Variants in RFX1 observed in about 807,000 individuals in gnomAD.
The protein encoded by RFX1 is MHC class II regulatory factor RFX1.
RFX1 carries 42 observed loss-of-function variants against 119.6 expected under a neutral mutation model. That is an observed-to-expected ratio of 0.35 (90% CI 0.27 to 0.45). RFX1 has a LOEUF of 0.45. Ranked by LOEUF, RFX1 falls within the 20% of genes least tolerant of loss-of-function variation. The probability of loss-of-function intolerance (pLI) is 1.00; values close to 1 mark genes in which losing one functional copy is unlikely to be tolerated. For synonymous variants in RFX1, 628 were observed against 618.5 expected (o/e 1.02, Z -0.23); for missense variants, 1,118 against 1,368.1 (o/e 0.82, Z 2.88).
chr19:13,987,601 C>A (rs1974647028), intron 2 of RFX1, among the ~76,000 whole-genome samples: 1 of 152,260 alleles, frequency 6.6e-6, no homozygotes, highest in South Asian at 2.1e-4. Context: ...AGGACGCTAA[C>A]CTGGCAGAGG....
At chr19:13,982,366 G>T (rs1452763160) in intron 4 of RFX1, 138 bp from the exon 5 acceptor site, 2 of 420,184 alleles carry the variant, frequency 4.8e-6, no homozygotes, top group Non-Finnish European at 8.0e-6. Context: ...CAGCCCTGAT[G>T]AAGCTCGGCT....
chr19:13,973,331 G>A (rs1191486049), intron 8 of RFX1, among the ~76,000 whole-genome samples: 3 of 152,178 alleles, frequency 2.0e-5, no homozygotes, highest in East Asian at 3.8e-4. Context: ...ATAATCATCA[G>A]CTGGGCATGG....
In RFX1 at chr19:13,966,539, G is replaced by C; in HGVS notation, c.1852-9C>G. On this transcript the variant is annotated splice_polypyrimidine_tract_variant and intron_variant, in intron 13 of 20. Transcript: ENST00000254325. The surrounding 1 kb of genome is among the most constrained non-coding windows in gnomAD (Gnocchi z 6.3). The stretch of plus-strand genomic sequence containing the variant: ...ATGACGTCGACAATGGCCTGTGGCA[G>C]AGGCGGATGCTCAGGGAGGCTGGGG... The C allele has an allele frequency of 6.4e-7, 1 of 1,557,540 alleles. No individual in the cohort carries two copies. Among genetic ancestry groups the C allele is most frequent in the Non-Finnish European group, 8.7e-7 (1 of 1,144,750 alleles).
Position 13,966,769 on chromosome 19 carries a change from A to T in RFX1, c.1733-18T>A, listed in dbSNP as rs1372197366. On this transcript the variant is annotated intron_variant, in intron 12 of 20. Transcript: ENST00000254325. This position sits in a 1 kb window ranked among gnomAD's most constrained non-coding sequence, Gnocchi z 6.3. The stretch of plus-strand genomic sequence containing the variant: ...AGAGGCATCTAGGGGGCCGGGGGGA[A>T]CCGTGAGGCCCTTCATCCCCCTTGC... 1 of 1,544,850 alleles carries T rather than the reference A, an allele frequency of 6.5e-7. No individual in the cohort carries two copies. The highest frequency in any genetic ancestry group is 1.4e-5 in the African/African-American group (1 of 72,832).
chr19:13,978,111 A>C (rs368577327), intron 7 of RFX1, 25 bp from the exon 8 acceptor site: 2 of 1,583,534 alleles, frequency 1.3e-6, no homozygotes, highest in African/African-American at 2.7e-5. Flanking sequence ...GGGCACGTGG[A>C]GGGTCAGGGG....
Position 13,962,431 on chromosome 19 carries a change from C to T in RFX1, c.*264G>A. 1 of 487,054 alleles carries T rather than the reference C, an allele frequency of 2.1e-6. No individual in the cohort carries two copies. 30.2% of individuals were successfully genotyped at this position (487,054 alleles called of 1,614,324 possible). ...GCCTGGGAGGGGGGCGGCCAAGGGG[C>T]CGAGCTGGATGCCCCGCGGGGCACC... On this transcript the variant is annotated 3_prime_UTR_variant, in exon 21 of 21. Transcript: ENST00000254325.
At position 13,980,958 on chromosome 19, in the gene RFX1, C is replaced by T. The variant is rs1242767642; in HGVS notation, c.622-269G>A. The stretch of plus-strand genomic sequence containing the variant: ...ATGGTGGGTGGTGCCGCCAGCACCC[C>T]TGAAGCTCTCCTGGGGCTGACCCTC... On this transcript the variant is annotated intron_variant, in intron 5 of 20. Transcript: ENST00000254325. The surrounding 1 kb of genome is among the most constrained non-coding windows in gnomAD (Gnocchi z 5.1). Among the ~76,000 whole-genome samples the T allele has an allele frequency of 6.6e-5, 10 of 152,244 alleles. No individual in the cohort carries two copies. Among genetic ancestry groups the T allele is most frequent in the Admixed American group, 5.2e-4 (8 of 15,286 alleles).
At chr19:13,972,429 G>C (rs1449691494) in intron 9 of RFX1, among the ~76,000 whole-genome samples, 1 of 152,060 alleles carries the variant, frequency 6.6e-6, no homozygotes, top group African/African-American at 2.4e-5. Flanking sequence ...CCTGACTTCA[G>C]GTGATCCACC....
At chr19:13,981,528 G>A (rs935030651) in intron 5 of RFX1, among the ~76,000 whole-genome samples, 3 of 152,132 alleles carry the variant, frequency 2.0e-5, no homozygotes, top group Non-Finnish European at 4.4e-5. Flanking sequence ...CCCAGGAGTC[G>A]GAGGTTGCAG....
chr19:13,998,239 C>G (rs1379017994), intron 1 of RFX1: 3 of 152,232 alleles, frequency 2.0e-5, no homozygotes, highest in African/African-American at 7.2e-5. Flanking sequence ...AATTCCAGCA[C>G]TTTGTGAGGC....
rs907363028 is a variant in RFX1, at chr19:13,986,971, C to T, written c.320-3376G>A. ...TCAGGGGCTCCTGGAGGGGCCCCTGCTGCCCCCAGTGTCCTCTATCCCTTG... is the reference window on the plus strand; with the variant it reads ...TCAGGGGCTCCTGGAGGGGCCCCTGTTGCCCCCAGTGTCCTCTATCCCTTG... On this transcript the variant is annotated intron_variant, in intron 2 of 20. Coordinates refer to ENST00000254325, the MANE Select transcript of RFX1 (RefSeq NM_002918.5). The surrounding 1 kb of genome is among the most constrained non-coding windows in gnomAD (Gnocchi z 4.2). 6.6e-6 allele frequency among the ~76,000 whole-genome samples: 1 copy of T among 152,188 alleles called. No individual in the cohort carries two copies. Among genetic ancestry groups the T allele is most frequent in the Non-Finnish European group, 1.5e-5 (1 of 68,028 alleles).
intron 2 of RFX1, 33 bp downstream of exon 2, chr19:13,993,492 G>A (rs753343249): frequency 6.3e-7 from 1 of 1,587,208 alleles, no homozygotes; most frequent in South Asian, 1.1e-5. Context: ...AACTCTGAGA[G>A]GAGTTTTCAG....
At chr19:13,971,015 T>C (rs1974062308) in intron 9 of RFX1, among the ~76,000 whole-genome samples, 1 of 149,964 alleles carries the variant, frequency 6.7e-6, no homozygotes, top group Admixed American at 6.7e-5. Context: ...AAAAAAATTA[T>C]ATGAATTTAT....
rs930407483 is a variant in RFX1 at position 13,966,460 on chromosome 19, T to C, written c.1922A>G (p.Tyr641Cys). ...CGCCTCACTGGGCTGGCTGAGGTTG[T>C]ACCTCCAGAAGGTCTTCCACAGCGT... ...VETLWKTFWR[Y>C]NLSQPSEAPP... The change falls in exon 14 of 21, where the codon TAC (tyrosine) becomes TGC (cysteine). Residue 641 changes from tyrosine (Y) to cysteine (C), a missense_variant. Tyr to Cys is a radical substitution (Grantham distance 194, BLOSUM62 -2). This residue lies in a region of RFX1 where 338 missense variants were observed against 508.9 expected (regional missense o/e 0.66). Transcript: ENST00000254325. This position sits in a 1 kb window ranked among gnomAD's most constrained non-coding sequence, Gnocchi z 6.3. The C allele has an allele frequency of 6.2e-7, 1 of 1,610,128 alleles. No individual in the cohort carries two copies. The highest frequency in any genetic ancestry group is 1.1e-5 in the South Asian group (1 of 90,856).
chr19:13,994,721 G>A (rs1034198802), intron 1 of RFX1, among the ~76,000 whole-genome samples: 15 of 67,516 alleles, frequency 2.2e-4, no homozygotes, highest in East Asian at 9.2e-4. Flanking sequence ...AAATATATAT[G>A]TGTGTGTGTG....
intron 8 of RFX1, among the ~76,000 whole-genome samples, chr19:13,974,732 C>A (rs999090691): frequency 4.6e-5 from 7 of 152,118 alleles, no homozygotes; most frequent in Non-Finnish European, 8.8e-5. Flanking sequence ...TGAACTCTTT[C>A]AATGTACTAG....
chr19:13,966,514 A>G lies in RFX1; in HGVS notation c.1868T>C (p.Met623Thr), dbSNP rs753634327. Residue 623 changes from methionine (M) to threonine (T), a missense_variant, in exon 14 of 21, where the codon ATG becomes ACG. This residue lies in a region of RFX1 where 338 missense variants were observed against 508.9 expected (regional missense o/e 0.66). Coordinates refer to ENST00000254325, the MANE Select transcript of RFX1 (RefSeq NM_002918.5). The surrounding 1 kb of genome is among the most constrained non-coding windows in gnomAD (Gnocchi z 6.3). Reference sequence around the variant, plus strand: ...CACCAGGGTGAACTGCAGGTTCACCATGACGTCGACAATGGCCTGTGGCAG... The same window carrying G: ...CACCAGGGTGAACTGCAGGTTCACCGTGACGTCGACAATGGCCTGTGGCAG... The part of the protein sequence containing the change: ...REHCEAIVDV[M>T]VNLQFTLVET... 1.0e-5 allele frequency: 16 copies of G among 1,577,356 alleles called. No individual in the cohort carries two copies. In the Admixed American group the frequency reaches 2.8e-4, roughly 28 times the overall value.
At chr19:13,995,265 G>A (rs1974969368) in intron 1 of RFX1, among the ~76,000 whole-genome samples, 1 of 152,022 alleles carries the variant, frequency 6.6e-6, no homozygotes. Flanking sequence ...GAGTCATGGG[G>A]AAAGCTGCCT....
In RFX1 at chr19:13,963,858, C is replaced by T. The variant is rs1261064439; in HGVS notation, c.2361G>A (p.Gln787=). 12 of 1,544,056 alleles carry T rather than the reference C, an allele frequency of 7.8e-6. No individual in the cohort carries two copies. The highest frequency in any genetic ancestry group is 1.0e-5 in the Non-Finnish European group (12 of 1,146,214). The change falls in exon 17 of 21, where the codon CAG becomes CAA. Residue 787 remains glutamine (Q), a splice_region_variant and synonymous_variant. Transcript: ENST00000254325. ...DLNRVDFANV[Q]EQASWVCRCE... is the part of the protein sequence containing the mutation. Reference sequence around the variant, plus strand: ...CCGCCCCGCCCCGCCCCGCGCTCACCTGCACGTTGGCGAAGTCCACGCGGT... The same window carrying T: ...CCGCCCCGCCCCGCCCCGCGCTCACTTGCACGTTGGCGAAGTCCACGCGGT...
Sources: allele counts gnomAD v4.1 joint callset (sites outside exome capture counted in the v4.1 genomes callset), GRCh38; gene constraint gnomAD v4.1.1; regional missense constraint gnomAD v4.1.1; non-coding constraint Gnocchi (gnomAD v3.1); transcripts MANE v1.5; gene names NCBI Gene and HGNC (gene_info 2026-07-23, HGNC 2026-07-21).